THSD7B: variants seen among roughly 807,000 people sequenced by gnomAD.
The protein encoded by THSD7B is thrombospondin type-1 domain-containing protein 7B.
Under a neutral mutation model 213.6 loss-of-function variants are expected in THSD7B, and 138 were observed. The observed-to-expected ratio is 0.65, with a 90% CI of 0.56 to 0.74. The LOEUF is 0.74. Ranked by LOEUF, THSD7B falls within the 30% of genes least tolerant of loss-of-function variation. The pLI, the probability that THSD7B is intolerant of heterozygous loss-of-function variation, is 0.00. For missense variants in THSD7B, 1,931 were observed against 1,991.5 expected, an observed-to-expected ratio of 0.97 and a Z score of 0.58; for synonymous variants, 742 against 687.0, an observed-to-expected ratio of 1.08 and a Z score of -1.25.
At chr2:136,890,153 T>C (rs1479619825) in intron 2 of THSD7B, among the ~76,000 whole-genome samples, 1 of 152,102 alleles carries the variant, frequency 6.6e-6, no homozygotes, top group East Asian at 1.9e-4. Flanking sequence ...TGTTTGCTTG[T>C]TATTCTTTCT....
intron 7 of THSD7B, among the ~76,000 whole-genome samples, chr2:137,218,977 T>C (rs1000034902): frequency 1.0e-5 from 1 of 95,354 alleles, no homozygotes; most frequent in Admixed American, 9.3e-5. Flanking sequence ...TTCAACTGAG[T>C]TTGTGAAAAA....
intron 7 of THSD7B, among the ~76,000 whole-genome samples, chr2:137,174,428 A>G (rs1680320639): frequency 6.6e-6 from 1 of 152,198 alleles, no homozygotes. Flanking sequence ...TCTATGTCAC[A>G]TTGAAACCAG....
intron 20 of THSD7B, among the ~76,000 whole-genome samples, chr2:137,625,574 A>G (rs561792094): frequency 6.6e-6 from 1 of 152,342 alleles, no homozygotes; most frequent in South Asian, 2.1e-4. Flanking sequence ...AATTTCTGGA[A>G]CATATTCATT....
At chr2:137,533,273 AG>A (rs1680434417) in intron 15 of THSD7B, among the ~76,000 whole-genome samples, 1 of 151,838 alleles carries the variant, frequency 6.6e-6, no homozygotes, top group Non-Finnish European at 1.5e-5. Context: ...GTGCCTCTCC[AG>A]GATTGTTTCC....
intron 24 of THSD7B, among the ~76,000 whole-genome samples, chr2:137,659,125 T>C (rs2104819786): frequency 6.6e-6 from 1 of 152,320 alleles, no homozygotes; most frequent in Middle Eastern, 3.4e-3. Context: ...TAAGAATGTG[T>C]TTATACGTGA....
chr2:137,258,419 G>T (rs887601860), intron 10 of THSD7B, among the ~76,000 whole-genome samples: 1 of 152,042 alleles, frequency 6.6e-6, no homozygotes, highest in Non-Finnish European at 1.5e-5. Flanking sequence ...CACCTGTGCT[G>T]TTGCTCTGTC....
chr2:136,871,431 G>A (rs1412004625), intron 1 of THSD7B, among the ~76,000 whole-genome samples: 4 of 152,124 alleles, frequency 2.6e-5, no homozygotes, highest in East Asian at 3.9e-4. Flanking sequence ...CAGAAATGGA[G>A]GCTGAAAATA....
intron 15 of THSD7B, among the ~76,000 whole-genome samples, chr2:137,506,383 G>T (rs564265735): frequency 7.4e-4 from 113 of 152,274 alleles, no homozygotes; most frequent in African/African-American, 2.6e-3. Context: ...GTCAGATTAG[G>T]CATCTTCTTT....
rs75367462 is a variant in THSD7B at position 136,917,705 on chromosome 2, T to C, written c.139+35388T>C. Among the ~76,000 whole-genome samples, 28 of 152,330 alleles carry C rather than the reference T, an allele frequency of 1.8e-4. No homozygotes were observed. The East Asian group carries it at 5.4e-3, about 29-fold the overall frequency. ...AATTATTTAAGGTGCAGAGTCTATG[T>C]AACCCGAGCCATAAGTAAAAGTTGG... On this transcript the variant is annotated intron_variant, in intron 2 of 27. Transcript: ENST00000409968.
chr2:137,221,212 G>A (rs193042807), intron 7 of THSD7B, among the ~76,000 whole-genome samples: 32 of 152,236 alleles, frequency 2.1e-4, no homozygotes, highest in African/African-American at 7.5e-4. Context: ...GCTTGAACCC[G>A]GGAGGCGGAG....
At chr2:137,079,921 C>T (rs2104903227) in intron 3 of THSD7B, among the ~76,000 whole-genome samples, 1 of 152,198 alleles carries the variant, frequency 6.6e-6, no homozygotes, top group East Asian at 1.9e-4. Context: ...CTCACTGCAA[C>T]CTCCATCTCC....
intron 15 of THSD7B, among the ~76,000 whole-genome samples, chr2:137,469,602 C>A (rs541307531): frequency 6.6e-6 from 1 of 152,256 alleles, no homozygotes; most frequent in African/African-American, 2.4e-5. Context: ...ATAAAAGAAA[C>A]TATCACAGCT....
chr2:137,365,223 C>T (rs558441188), intron 12 of THSD7B, among the ~76,000 whole-genome samples: 4 of 152,160 alleles, frequency 2.6e-5, no homozygotes, highest in African/African-American at 9.7e-5. Context: ...TTCCTTACAC[C>T]TTATACAAAA....
At chr2:137,176,001 T>A (rs1218270916) in intron 7 of THSD7B, among the ~76,000 whole-genome samples, 1 of 152,198 alleles carries the variant, frequency 6.6e-6, no homozygotes, top group Non-Finnish European at 1.5e-5. Flanking sequence ...ATGTTGTATC[T>A]CGTGTTGTTA....
chr2:137,626,886 A>G (rs928928565), intron 20 of THSD7B, among the ~76,000 whole-genome samples: 1 of 152,202 alleles, frequency 6.6e-6, no homozygotes, highest in Non-Finnish European at 1.5e-5. Context: ...CTTATTTCCA[A>G]CAATTCACTC....
intron 12 of THSD7B, among the ~76,000 whole-genome samples, chr2:137,314,240 G>A (rs928596975): frequency 5.9e-5 from 9 of 151,724 alleles, no homozygotes; most frequent in East Asian, 1.9e-4. Flanking sequence ...TTCCCTTCTC[G>A]CTTCATTTCA....
At chr2:137,467,638 T>C (rs886543467) in intron 15 of THSD7B, among the ~76,000 whole-genome samples, 5 of 152,190 alleles carry the variant, frequency 3.3e-5, no homozygotes, top group Non-Finnish European at 1.5e-5. Context: ...GACAAAAGTA[T>C]AATTAATTTT....
chr2:137,577,895 C>T (rs1573720496), intron 17 of THSD7B, among the ~76,000 whole-genome samples: 1 of 152,152 alleles, frequency 6.6e-6, no homozygotes, highest in African/African-American at 2.4e-5. Flanking sequence ...ATTCATTAAA[C>T]TAGCACGATT....
intron 15 of THSD7B, among the ~76,000 whole-genome samples, chr2:137,502,258 G>A (rs1679723888): frequency 7.8e-6 from 1 of 128,614 alleles, no homozygotes; most frequent in Admixed American, 7.7e-5. Flanking sequence ...CAGGTTAGTA[G>A]TTAACTATGC....
Sources: gnomAD v4.1 joint callset for allele counts (sites outside exome capture counted in the v4.1 genomes callset) on GRCh38, gnomAD v4.1.1 for gene constraint, MANE v1.5 for transcripts, NCBI Gene and HGNC (gene_info 2026-07-23, HGNC 2026-07-21) for gene names.